GYPE: variants seen among roughly 807,000 people sequenced by gnomAD.
GYPE encodes the protein glycophorin E (MNS blood group), also known as glycophorin-E.
In GYPE, 8 loss-of-function variants were observed where a neutral mutation model predicts 11.6. The ratio of observed to expected loss-of-function variants is 0.69; its 90% CI spans 0.41 to 1.25. The LOEUF (loss-of-function observed/expected upper bound fraction) is 1.25, where lower values mean the gene tolerates loss of function less well. Ranked by LOEUF, GYPE falls within the 50% of genes most tolerant of loss-of-function variation. GYPE has a pLI of 0.01. For synonymous variants in GYPE, 28 were observed against 29.6 expected, an observed-to-expected ratio of 0.94 and a Z score of 0.18; for missense variants, 90 against 92.8, an observed-to-expected ratio of 0.97 and a Z score of 0.12.
At chr4:143,873,272 A>C (rs1578949289) in intron 3 of GYPE, 2 of 314,020 alleles carry the variant, frequency 6.4e-6, no homozygotes, top group East Asian at 1.5e-4. Context: ...AAAAAGTTTA[A>C]TAGACTTAGG....
intron 1 of GYPE, among the ~76,000 whole-genome samples, chr4:143,891,137 A>G (rs1167929222): frequency 1.3e-5 from 2 of 151,296 alleles, no homozygotes; most frequent in Admixed American, 1.3e-4. Flanking sequence ...GGCCATAACT[A>G]CTTTAGGCTT....
chr4:143,878,763 T>C (rs1578955194), intron 2 of GYPE: 2 of 409,746 alleles, frequency 4.9e-6, no homozygotes, highest in East Asian at 1.6e-4. Flanking sequence ...TTCTGTGGGT[T>C]TCCTTTTCTT....
intron 1 of GYPE, among the ~76,000 whole-genome samples, chr4:143,888,268 A>G (rs1447253757): frequency 5.5e-5 from 1 of 18,182 alleles, no homozygotes; most frequent in Non-Finnish European, 3.6e-3. Flanking sequence ...GTGATATTGT[A>G]TAAGTACGCT....
intron 3 of GYPE, among the ~76,000 whole-genome samples, chr4:143,873,749 C>T (rs1310500281): frequency 6.6e-6 from 1 of 152,168 alleles, no homozygotes; most frequent in East Asian, 1.9e-4. Context: ...AAATGATTGA[C>T]CTGAGCATGA....
intron 2 of GYPE, among the ~76,000 whole-genome samples, chr4:143,877,208 C>T (rs1743849896): frequency 6.6e-6 from 1 of 152,130 alleles, no homozygotes; most frequent in African/African-American, 2.4e-5. Context: ...CACAAATTCT[C>T]CCATAGTTTG....
At chr4:143,886,007 T>C (rs556738473) in intron 1 of GYPE, among the ~76,000 whole-genome samples, 69 of 54,770 alleles carry the variant, frequency 1.3e-3, no homozygotes, top group African/African-American at 2.8e-3. Flanking sequence ...AGCTGACCTA[T>C]AAAATGACCT....
chr4:143,890,996 C>T (rs1171474476), intron 1 of GYPE, among the ~76,000 whole-genome samples: 1 of 151,964 alleles, frequency 6.6e-6, no homozygotes, highest in Non-Finnish European at 1.5e-5. Context: ...CAGAAAGCTC[C>T]ACAGGAATTT....
intron 1 of GYPE, among the ~76,000 whole-genome samples, chr4:143,890,601 C>A (rs887908114): frequency 2.0e-5 from 3 of 152,134 alleles, no homozygotes; most frequent in African/African-American, 7.2e-5. Flanking sequence ...CGGCCAGCGG[C>A]GAAAACAACT....
At chr4:143,896,925 C>T (rs1414805000) in intron 1 of GYPE, among the ~76,000 whole-genome samples, 1 of 151,032 alleles carries the variant, frequency 6.6e-6, no homozygotes, top group Non-Finnish European at 1.5e-5. Flanking sequence ...CCAAACACCG[C>T]ATGTTCTCAC....
chr4:143,903,095 TGTCA>T (rs1744927721), intron 1 of GYPE, among the ~76,000 whole-genome samples: 1 of 152,134 alleles, frequency 6.6e-6, no homozygotes, highest in South Asian at 2.1e-4. Flanking sequence ...TTAGCATAAA[TGTCA>T]TCTACTCAGA....
intron 1 of GYPE, among the ~76,000 whole-genome samples, chr4:143,897,858 A>T (rs1309443675): frequency 2.6e-5 from 4 of 152,110 alleles, no homozygotes; most frequent in Non-Finnish European, 5.9e-5. Flanking sequence ...CAAAAACATA[A>T]AGTTAGCTAA....
intron 1 of GYPE, among the ~76,000 whole-genome samples, chr4:143,882,789 G>C (rs1744089761): frequency 6.6e-6 from 1 of 152,096 alleles, no homozygotes; most frequent in Admixed American, 6.5e-5. Flanking sequence ...CTTACATTTA[G>C]GGTGCACATT....
chr4:143,903,864 C>G (rs1744959246), intron 1 of GYPE, among the ~76,000 whole-genome samples: 2 of 151,962 alleles, frequency 1.3e-5, no homozygotes, highest in South Asian at 4.2e-4. Context: ...ACTTGTAAGT[C>G]ACACAGAGTT....
chr4:143,903,299 G>C lies in GYPE; in HGVS notation c.37+2172C>G, dbSNP rs573115044. Among the ~76,000 whole-genome samples, 82 of 151,238 alleles carry C rather than the reference G, an allele frequency of 5.4e-4. 1 individual carries two copies. The highest frequency in any genetic ancestry group is 1.4e-3 in the Admixed American group (22 of 15,230). On this transcript the variant is annotated intron_variant, in intron 1 of 3. Coordinates refer to ENST00000358615, the MANE Select transcript of GYPE (RefSeq NM_198682.3). ...CCCAACCTCCGTGTATCCTCCATGG[G>C]AGCCCATTTTTCTTCCTGCCCTGGG...
intron 2 of GYPE, among the ~76,000 whole-genome samples, chr4:143,879,385 A>C (rs1162809172): frequency 2.0e-5 from 3 of 152,180 alleles, no homozygotes; most frequent in Non-Finnish European, 4.4e-5. Flanking sequence ...TTGAGGATTC[A>C]GGTATATTTT....
In GYPE at chr4:143,875,568, C is replaced by T. The variant is rs893252370; in HGVS notation, c.*9+1178G>A. ...CTCTGCTTGACCATGAGCTACGCCTCCACTTCAGCCTCTGATTGGTCACAG... is the reference window on the plus strand; with the variant it reads ...CTCTGCTTGACCATGAGCTACGCCTTCACTTCAGCCTCTGATTGGTCACAG... On this transcript the variant is annotated intron_variant, in intron 3 of 3. Coordinates refer to ENST00000358615, the MANE Select transcript of GYPE (RefSeq NM_198682.3). 28 of 1,549,782 alleles carry T rather than the reference C, an allele frequency of 1.8e-5. No individual in the cohort carries two copies. The Admixed American group carries it at 5.5e-4, about 30-fold the overall frequency.
chr4:143,891,903 A>G (rs1744420352), intron 1 of GYPE, among the ~76,000 whole-genome samples: 1 of 151,954 alleles, frequency 6.6e-6, no homozygotes, highest in South Asian at 2.1e-4. Flanking sequence ...TCCTCCTTGT[A>G]CCTCTGGTAG....
chr4:143,893,957 G>A (rs537534763), intron 1 of GYPE, among the ~76,000 whole-genome samples: 28 of 152,142 alleles, frequency 1.8e-4, no homozygotes, highest in Non-Finnish European at 3.5e-4. Context: ...CCAATAAGAT[G>A]CAGATTTGGT....
chr4:143,881,799 A>T (rs1744031373), intron 1 of GYPE, among the ~76,000 whole-genome samples: 1 of 152,180 alleles, frequency 6.6e-6, no homozygotes, highest in South Asian at 2.1e-4. Flanking sequence ...ACCTTTGCTC[A>T]TCTCTTTGAG....
Sources: allele counts gnomAD v4.1 joint callset (sites outside exome capture counted in the v4.1 genomes callset), GRCh38; gene constraint gnomAD v4.1.1; transcripts MANE v1.5; gene names NCBI Gene and HGNC (gene_info 2026-07-23, HGNC 2026-07-21).